The following ZNF652 variants were observed in gnomAD, a reference collection of about 807,000 sequenced individuals.
ZNF652 encodes zinc finger protein 652.
ZNF652 carries 16 observed loss-of-function variants against 45.2 expected under a neutral mutation model. The ratio of observed to expected loss-of-function variants is 0.35; its 90% confidence interval spans 0.24 to 0.54. The LOEUF (loss-of-function observed/expected upper bound fraction) is 0.54. Ranked by LOEUF, ZNF652 falls within the 20% of genes least tolerant of loss-of-function variation. The pLI, the probability that ZNF652 is intolerant of heterozygous loss-of-function variation, is 0.91. For synonymous variants in ZNF652, 250 were observed against 260.6 expected, an observed-to-expected ratio of 0.96 and a Z score of 0.39; for missense variants, 614 against 765.6, an observed-to-expected ratio of 0.80 and a Z score of 2.34.
At chr17:49,313,730 C>T (rs888568689) in intron 2 of ZNF652, among the ~76,000 whole-genome samples, 4 of 151,340 alleles carry the variant, frequency 2.6e-5, no homozygotes, top group Admixed American at 6.6e-5. Context: ...CCCAGCATTT[C>T]GGGAGGCCAA....
At chr17:49,357,216 T>C (rs753323392) in intron 1 of ZNF652, among the ~76,000 whole-genome samples, 3 of 151,996 alleles carry the variant, frequency 2.0e-5, no homozygotes, top group Non-Finnish European at 4.4e-5. Context: ...GGAGAATTGC[T>C]TGAACCCAGG....
At chr17:49,304,730 T>C (rs1030126233) in intron 5 of ZNF652, among the ~76,000 whole-genome samples, 6 of 152,132 alleles carry the variant, frequency 3.9e-5, no homozygotes, top group African/African-American at 1.4e-4. Flanking sequence ...ACAGTATAAA[T>C]GAAGACAGAG....
Position 49,311,365 on chromosome 17 carries a change from C to G in ZNF652, c.1256G>C (p.Gly419Ala), listed in dbSNP as rs748473771. Reference protein sequence around the residue: ...GHKQFMCQWCGKDFNMKQYFD... With the variant: ...GHKQFMCQWCAKDFNMKQYFD... ...GTACTGCTTCATGTTGAAATCCTTG[C>G]CACACCACTGGCACATGAACTGTTT... Residue 419 changes from glycine (G) to alanine (A), a missense_variant, in exon 5 of 6, where the codon GGC (glycine) becomes GCC (alanine). By Grantham distance (60) the Gly-to-Ala change is moderately conservative (BLOSUM62 0). Transcript: ENST00000430262. 3 of 1,614,190 alleles carry G rather than the reference C, an allele frequency of 1.9e-6. No homozygotes were observed. Among genetic ancestry groups the G allele is most frequent in the Non-Finnish European group, 2.5e-6 (3 of 1,180,024 alleles).
chr17:49,327,779 A>ATATATAT (rs2069980619), intron 1 of ZNF652, among the ~76,000 whole-genome samples: 3 of 4,100 alleles, frequency 7.3e-4, no homozygotes, highest in African/African-American at 1.9e-3. Flanking sequence ...ATATATATAT[A>ATATATAT]TTTTTTTTTT....
intron 1 of ZNF652, among the ~76,000 whole-genome samples, chr17:49,349,736 T>C (rs1379264856): frequency 6.6e-6 from 1 of 152,174 alleles, no homozygotes; most frequent in African/African-American, 2.4e-5. Context: ...AAGGGTACTA[T>C]TGCACAAGAA....
At chr17:49,347,833 C>T (rs2070223170) in intron 1 of ZNF652, among the ~76,000 whole-genome samples, 1 of 148,362 alleles carries the variant, frequency 6.7e-6, no homozygotes, top group Admixed American at 6.8e-5. Flanking sequence ...GAGCCTCAAC[C>T]TCCTAGGCTC....
intron 1 of ZNF652, chr17:49,361,051 G>C (rs936053497): frequency 6.6e-6 from 1 of 152,312 alleles, no homozygotes; most frequent in African/African-American, 2.4e-5. Flanking sequence ...ACATTCCTTT[G>C]ATTGGCAAAA....
At position 49,316,969 on chromosome 17, in the gene ZNF652, C is replaced by A. The variant is rs768616172; in HGVS notation, c.757G>T (p.Val253Leu). Reference protein sequence around the residue: ...ETLTCEKCPRVFNTRWYLEKH... With the variant: ...ETLTCEKCPRLFNTRWYLEKH... Reference sequence around the variant, plus strand: ...TCCAGGTACCAGCGAGTGTTAAATACCCTGGGGCACTTCTCACAGGTCAGA... The same window carrying A: ...TCCAGGTACCAGCGAGTGTTAAATAACCTGGGGCACTTCTCACAGGTCAGA... Residue 253 changes from valine (V) to leucine (L), a missense_variant, in exon 2 of 6, where the codon GTA becomes TTA. Around this residue, in one of 5 missense-constraint regions of ZNF652, gnomAD observed 262 missense variants for 306.3 expected, o/e 0.86. Transcript: ENST00000430262. The A allele has an allele frequency of 4.3e-6, 7 of 1,614,062 alleles. No homozygotes were observed. Among genetic ancestry groups the A allele is most frequent in the Non-Finnish European group, 5.1e-6 (6 of 1,180,018 alleles).
At chr17:49,323,266 G>GAGTAGATTCCATCTCAAGA (rs2069918236) in intron 1 of ZNF652, among the ~76,000 whole-genome samples, 2 of 152,258 alleles carry the variant, frequency 1.3e-5, no homozygotes, top group Admixed American at 6.5e-5. Context: ...TCTCCACCAG[G>GAGTAGATTCCATCTCAAGA]AGTAGATTCC....
chr17:49,308,420 A>C (rs915349671), intron 5 of ZNF652, among the ~76,000 whole-genome samples: 3 of 152,122 alleles, frequency 2.0e-5, no homozygotes, highest in Non-Finnish European at 4.4e-5. Flanking sequence ...CAAGATATCC[A>C]CCTGCCTTGG....
intron 5 of ZNF652, among the ~76,000 whole-genome samples, chr17:49,309,329 T>TAAAAA (rs11307814): frequency 7.5e-5 from 5 of 66,310 alleles, no homozygotes; most frequent in South Asian, 5.4e-4. Flanking sequence ...CTGTCTCTAC[T>TAAAAA]AAAAAAAAAA....
chr17:49,321,409 G>A (rs952672756), intron 1 of ZNF652, among the ~76,000 whole-genome samples: 6 of 143,470 alleles, frequency 4.2e-5, no homozygotes, highest in East Asian at 2.0e-4. Flanking sequence ...GACTACCGGC[G>A]CCCACCACCA....
At position 49,340,201 on chromosome 17, in the gene ZNF652, G is replaced by A. The variant is rs181695654; in HGVS notation, c.-259+21708C>T. The stretch of plus-strand genomic sequence containing the variant: ...AGGCCGAGGCGGGCGGATTACTTGA[G>A]GCCAGGATTTTGAGACCAGCTTGGC... On this transcript the variant is annotated intron_variant, in intron 1 of 5. Coordinates refer to ENST00000430262, the MANE Select transcript of ZNF652 (RefSeq NM_001145365.3). 5.5e-3 allele frequency among the ~76,000 whole-genome samples: 837 copies of A among 152,256 alleles called. 3 individuals carry two copies. Among genetic ancestry groups the A allele is most frequent in the African/African-American group, 0.019 (796 of 41,544 alleles).
At chr17:49,345,840 C>CAAA (rs11381958) in intron 1 of ZNF652, among the ~76,000 whole-genome samples, 5 of 115,702 alleles carry the variant, frequency 4.3e-5, no homozygotes, top group Non-Finnish European at 9.1e-5. Context: ...GACTCCATCT[C>CAAA]AAAAAAAAAA....
Position 49,291,008 on chromosome 17 carries a change from AG to A in ZNF652, c.*7404del, listed in dbSNP as rs2069398225. The A allele has an allele frequency of 6.6e-6, 1 of 152,232 alleles. No homozygotes were observed. Among genetic ancestry groups the A allele is most frequent in the African/African-American group, 2.4e-5 (1 of 41,450 alleles). The allele number at this position is 152,232 out of a possible 1,614,324, so 9.4% of individuals were successfully genotyped here. ...TATTCAAATTTATGGAAGATTGAGA[AG>A]AAATCATCCCATTTTCAGAGGCTAC... On this transcript the variant is annotated 3_prime_UTR_variant, in exon 6 of 6. Transcript: ENST00000430262.
chr17:49,348,168 A>G (rs560564139), intron 1 of ZNF652, among the ~76,000 whole-genome samples: 43 of 152,134 alleles, frequency 2.8e-4, no homozygotes, highest in Non-Finnish European at 5.9e-4. Flanking sequence ...ATGGAAAACT[A>G]TACAACAAAT....
chr17:49,310,985 C>T (rs886778085), intron 5 of ZNF652, among the ~76,000 whole-genome samples: 9 of 152,178 alleles, frequency 5.9e-5, no homozygotes, highest in African/African-American at 2.2e-4. Context: ...AGGCCCAGAA[C>T]CCTTTCCTTA....
chr17:49,341,725 G>A (rs762299185), intron 1 of ZNF652, among the ~76,000 whole-genome samples: 24 of 151,996 alleles, frequency 1.6e-4, no homozygotes, highest in Non-Finnish European at 2.4e-4. Context: ...AAGGAAAAGC[G>A]TCTAATTTTC....
intron 5 of ZNF652, among the ~76,000 whole-genome samples, chr17:49,306,751 G>A (rs1051266931): frequency 1.3e-5 from 2 of 152,032 alleles, no homozygotes; most frequent in Admixed American, 6.6e-5. Flanking sequence ...TGTGATAAAC[G>A]ATATTGTAGC....
Sources: gnomAD v4.1 joint callset for allele counts (sites outside exome capture counted in the v4.1 genomes callset) on GRCh38, gnomAD v4.1.1 for gene constraint, gnomAD v4.1.1 regional missense constraint, MANE v1.5 for transcripts, NCBI Gene and HGNC (gene_info 2026-07-23, HGNC 2026-07-21) for gene names.